The following MAGI2 variants were observed in gnomAD, a reference collection of about 807,000 sequenced individuals.
MAGI2 encodes the protein membrane associated guanylate kinase, WW and PDZ domain containing 2, also known as membrane-associated guanylate kinase, WW and PDZ domain-containing protein 2.
In MAGI2, 35 loss-of-function variants were observed where a neutral mutation model predicts 133.3. The ratio of observed to expected loss-of-function variants is 0.26; its 90% CI spans 0.20 to 0.35. The LOEUF is 0.35. Among genes scored for constraint, MAGI2 ranks in the 10% least tolerant of loss-of-function variants. The pLI, the probability that MAGI2 is intolerant of heterozygous loss-of-function variation, is 1.00. For missense variants in MAGI2, 1,636 were observed against 1,863.4 expected (o/e 0.88, Z 2.25); for synonymous variants, 729 against 710.6 (o/e 1.03, Z -0.41).
Position 78,018,923 on chromosome 7 carries a change from G to A in MAGI2, c.*392C>T. On this transcript the variant is annotated 3_prime_UTR_variant, in exon 22 of 22. Coordinates refer to ENST00000354212, the MANE Select transcript of MAGI2 (RefSeq NM_012301.4). ...GTTTGATTTTTAAGGCGATATTCCA[G>A]TTTGTGATTGCTCTTAACTTTGTCC... 1 of 390,450 alleles carries A rather than the reference G, an allele frequency of 2.6e-6. No homozygotes were observed. The highest frequency in any genetic ancestry group is 4.5e-6 in the Non-Finnish European group (1 of 221,098). The allele number at this position is 390,450 out of a possible 1,614,324, so 24.2% of individuals were successfully genotyped here.
At chr7:78,984,540 T>C (rs904134167) in intron 2 of MAGI2, among the ~76,000 whole-genome samples, 9 of 152,138 alleles carry the variant, frequency 5.9e-5, no homozygotes, top group African/African-American at 1.9e-4. Context: ...ATGGTCCTGC[T>C]GGAGGGGTTC....
intron 1 of MAGI2, among the ~76,000 whole-genome samples, chr7:79,269,034 T>A (rs372845764): frequency 5.8e-4 from 88 of 152,198 alleles, no homozygotes; most frequent in African/African-American, 2.1e-3. Flanking sequence ...GTGGAGTTGA[T>A]GAAAGAGGGA....
chr7:78,540,951 C>T (rs994023800), intron 3 of MAGI2, among the ~76,000 whole-genome samples: 3 of 152,350 alleles, frequency 2.0e-5, no homozygotes, highest in Non-Finnish European at 2.9e-5. Flanking sequence ...TTTCAGCCAT[C>T]TCAGAGTTTG....
At chr7:78,785,885 T>C (rs1826773828) in intron 2 of MAGI2, among the ~76,000 whole-genome samples, 1 of 152,188 alleles carries the variant, frequency 6.6e-6, no homozygotes, top group Admixed American at 6.5e-5. Flanking sequence ...CCGCAAACTC[T>C]GCCTGGACAC....
intron 9 of MAGI2, among the ~76,000 whole-genome samples, chr7:78,323,154 T>G (rs1449864291): frequency 2.6e-5 from 4 of 152,250 alleles, no homozygotes; most frequent in African/African-American, 9.6e-5. Flanking sequence ...TTCTTTATAC[T>G]GTACTATGAT....
chr7:78,833,081 C>A (rs1247802521), intron 2 of MAGI2, among the ~76,000 whole-genome samples: 1 of 152,154 alleles, frequency 6.6e-6, no homozygotes, highest in Non-Finnish European at 1.5e-5. Context: ...AGCTTCACAT[C>A]ATGTTTCTAT....
At position 79,036,956 on chromosome 7, in the gene MAGI2, G is replaced by A. The variant is rs528171001; in HGVS notation, c.302-29750C>T. ...GTCTTGCTCACTTCTTAAACAAGACGCCTGCCTTTCGTTCATGTAGGGTTT... is the reference window on the plus strand; with the variant it reads ...GTCTTGCTCACTTCTTAAACAAGACACCTGCCTTTCGTTCATGTAGGGTTT... On this transcript the variant is annotated intron_variant, in intron 1 of 21. Coordinates refer to ENST00000354212, the MANE Select transcript of MAGI2 (RefSeq NM_012301.4). Among the ~76,000 whole-genome samples the A allele has an allele frequency of 3.2e-4, 49 of 152,188 alleles. No homozygotes were observed. The South Asian group carries it at 9.3e-3, about 29-fold the overall frequency.
At chr7:79,069,560 CT>C (rs1357044945) in intron 1 of MAGI2, among the ~76,000 whole-genome samples, 1 of 152,096 alleles carries the variant, frequency 6.6e-6, no homozygotes, top group Non-Finnish European at 1.5e-5. Context: ...ATTTGCCTGT[CT>C]GTGTCTTTTA....
intron 2 of MAGI2, among the ~76,000 whole-genome samples, chr7:78,821,569 T>C (rs1790115686): frequency 6.6e-6 from 1 of 152,022 alleles, no homozygotes; most frequent in Admixed American, 6.5e-5. Context: ...TTGAAATACC[T>C]GACAACTTTT....
At chr7:78,233,794 G>C (rs959389220) in intron 10 of MAGI2, among the ~76,000 whole-genome samples, 3 of 152,152 alleles carry the variant, frequency 2.0e-5, no homozygotes, top group Non-Finnish European at 4.4e-5. Context: ...CTTCCTTCCA[G>C]AGCAAGGTGA....
chr7:78,883,748 T>C (rs1358144548), intron 2 of MAGI2, among the ~76,000 whole-genome samples: 1 of 151,968 alleles, frequency 6.6e-6, no homozygotes, highest in East Asian at 1.9e-4. Flanking sequence ...AAAAAAGCAA[T>C]GGGGGAAAGG....
chr7:78,577,241 A>C (rs139980024), intron 3 of MAGI2, among the ~76,000 whole-genome samples: 1,668 of 152,348 alleles, frequency 0.011, 18 homozygotes, highest in Middle Eastern at 0.061. Flanking sequence ...CTAAAATAAA[A>C]TGAGGTGATA....
rs79635506 is a variant in MAGI2, at chr7:78,588,876, G to A, written c.538+38244C>T. 4.1e-3 allele frequency among the ~76,000 whole-genome samples: 625 copies of A among 152,200 alleles called. 2 individuals carry two copies. The highest frequency in any genetic ancestry group is 0.013 in the African/African-American group (549 of 41,540). On this transcript the variant is annotated intron_variant, in intron 3 of 21. Coordinates refer to ENST00000354212, the MANE Select transcript of MAGI2 (RefSeq NM_012301.4). ...GATTTTAGAGCTGAAAAGCACCTCC[G>A]AATTCATCTAATACACTATCTTCAT... is the stretch of plus-strand genomic sequence containing the variant.
chr7:79,271,845 A>G (rs1216838993), intron 1 of MAGI2, among the ~76,000 whole-genome samples: 1 of 152,030 alleles, frequency 6.6e-6, no homozygotes, highest in African/African-American at 2.4e-5. Flanking sequence ...AGTACTTCCA[A>G]AAAAACACTG....
intron 1 of MAGI2, among the ~76,000 whole-genome samples, chr7:79,182,977 T>C (rs948330733): frequency 6.6e-6 from 1 of 151,948 alleles, no homozygotes; most frequent in Non-Finnish European, 1.5e-5. Flanking sequence ...CATTCCCATA[T>C]GTGAGAGCTA....
intron 1 of MAGI2, among the ~76,000 whole-genome samples, chr7:79,291,647 G>A (rs1836495325): frequency 1.3e-5 from 2 of 152,010 alleles, no homozygotes; most frequent in African/African-American, 2.4e-5. Flanking sequence ...TTTTAAATTT[G>A]TACTTCTATA....
intron 2 of MAGI2, among the ~76,000 whole-genome samples, chr7:78,951,744 T>C (rs1563699233): frequency 1.3e-5 from 2 of 152,188 alleles, no homozygotes; most frequent in Non-Finnish European, 2.9e-5. Flanking sequence ...TTTTAATTCA[T>C]GACATTAATC....
intron 1 of MAGI2, among the ~76,000 whole-genome samples, chr7:79,432,030 A>AG (rs1847813493): frequency 6.6e-6 from 1 of 152,214 alleles, no homozygotes; most frequent in Non-Finnish European, 1.5e-5. Flanking sequence ...GCCTTAAATG[A>AG]GCATAATTCC....
chr7:78,636,593 T>C (rs887614552), intron 2 of MAGI2, among the ~76,000 whole-genome samples: 2 of 152,040 alleles, frequency 1.3e-5, no homozygotes, highest in Non-Finnish European at 2.9e-5. Context: ...GGTCAGGAGA[T>C]AGAGACCATC....
Sources: allele counts gnomAD v4.1 joint callset (sites outside exome capture counted in the v4.1 genomes callset), GRCh38; gene constraint gnomAD v4.1.1; transcripts MANE v1.5; gene names NCBI Gene and HGNC (gene_info 2026-07-23, HGNC 2026-07-21).